The following CIB1 variants were observed in gnomAD, a reference collection of about 807,000 sequenced individuals.
The protein encoded by CIB1 is calcium and integrin binding 1, also known as calcium and integrin-binding protein 1.
Under a neutral mutation model 25.0 loss-of-function variants are expected in CIB1, and 19 were observed. That is an observed-to-expected ratio of 0.76 (90% confidence interval 0.53 to 1.12). CIB1 has a LOEUF of 1.12. CIB1 is among the 50% of genes most tolerant of loss of function. CIB1 has a pLI of 0.00. For synonymous variants in CIB1, 104 were observed against 98.5 expected, an observed-to-expected ratio of 1.06 and a Z score of -0.33; for missense variants, 236 against 242.6, an observed-to-expected ratio of 0.97 and a Z score of 0.18.
At chr15:90,244,848 C>CATAA in the CIB1 span, 1 of 152,054 alleles carries the variant, frequency 6.6e-6, no homozygotes, top group South Asian at 2.1e-4. Context: ...AGTCTTGGGT[C>CATAA]CAGCTCTCAA....
chr15:90,242,326 T>C, the CIB1 span: 1 of 282,806 alleles, frequency 3.5e-6, no homozygotes, highest in East Asian at 6.6e-5. Flanking sequence ...CGTTTCACCA[T>C]GTTGCCCAGG....
the CIB1 span, chr15:90,255,857 T>A: frequency 6.2e-7 from 1 of 1,614,064 alleles, no homozygotes; most frequent in African/African-American, 1.3e-5. Flanking sequence ...GTACAACATC[T>A]TCCCCCGCAC....
At chr15:90,264,097 G>A in the CIB1 span, 30 of 1,312,558 alleles carry the variant, frequency 2.3e-5, no homozygotes, top group Non-Finnish European at 3.0e-5. Context: ...TTTGACATAT[G>A]TAAATCCCAC....
the CIB1 span, chr15:90,255,951 G>T: frequency 6.2e-7 from 1 of 1,609,114 alleles, no homozygotes; most frequent in Non-Finnish European, 8.5e-7. Context: ...TCAGAGCTCT[G>T]GTCTTGTGAC....
chr15:90,262,937 C>T, the CIB1 span: 235 of 1,528,778 alleles, frequency 1.5e-4, no homozygotes, highest in East Asian at 5.6e-3. Context: ...CCTTGGAGAT[C>T]CTGCATTTAT....
At chr15:90,260,990 C>A in the CIB1 span, among the ~76,000 whole-genome samples, 1 of 152,042 alleles carries the variant, frequency 6.6e-6, no homozygotes, top group Non-Finnish European at 1.5e-5. Flanking sequence ...AATCAACATG[C>A]TAATTGCATA....
At chr15:90,241,458 G>T in the CIB1 span, 1 of 1,613,526 alleles carries the variant, frequency 6.2e-7, no homozygotes. Context: ...CCTGCTGCCG[G>T]GTGCACTGAG....
chr15:90,252,098 G>C, the CIB1 span, among the ~76,000 whole-genome samples: 1 of 144,698 alleles, frequency 6.9e-6, no homozygotes, highest in African/African-American at 2.5e-5. Context: ...GGAATGCAAT[G>C]GCGTGATCTC....
At chr15:90,251,494 C>T in the CIB1 span, 15 of 1,493,916 alleles carry the variant, frequency 1.0e-5, no homozygotes, top group Admixed American at 2.0e-4. Context: ...GATGTCTTTT[C>T]ATCTGAGTAC....
the CIB1 span, chr15:90,257,148 T>C: frequency 9.3e-6 from 15 of 1,613,320 alleles, no homozygotes; most frequent in East Asian, 6.7e-5. Context: ...CCCCTCCTCA[T>C]TGATGGCTTC....
In CIB1 at chr15:90,230,145, G is replaced by A. The variant is rs928633706; in HGVS notation, c.*339C>T. On this transcript the variant is annotated 3_prime_UTR_variant, in exon 7 of 7. Coordinates refer to ENST00000328649, the MANE Select transcript of CIB1 (RefSeq NM_006384.4). Reference sequence around the variant, plus strand: ...CAGCGTGGGTGCGGCTTGACTTCCCGCTGGCCTCTGCTCGATATGCTGCTT... The same window carrying A: ...CAGCGTGGGTGCGGCTTGACTTCCCACTGGCCTCTGCTCGATATGCTGCTT... The A allele has an allele frequency of 1.2e-5, 4 of 336,900 alleles. No individual in the cohort carries two copies. Among genetic ancestry groups the A allele is most frequent in the Non-Finnish European group, 1.7e-5 (3 of 180,152 alleles). 20.9% of individuals were successfully genotyped at this position (336,900 alleles called of 1,614,324 possible).
the CIB1 span, chr15:90,243,880 TC>T: frequency 6.7e-6 from 1 of 149,462 alleles, no homozygotes; most frequent in Non-Finnish European, 1.5e-5. Flanking sequence ...GGCCTCAAGA[TC>T]CTCCCACCTC....
At chr15:90,234,315 CT>C, upstream of CIB1, 1 of 164,068 alleles carries the variant, frequency 6.1e-6, no homozygotes, top group East Asian at 1.7e-4. Flanking sequence ...GGCGGCAGCC[CT>C]GGGTGGGGTC....
chr15:90,241,197 C>G, the CIB1 span: 2 of 1,614,180 alleles, frequency 1.2e-6, no homozygotes, highest in East Asian at 4.5e-5. Context: ...TTTCGTGGCT[C>G]AGCTGAATGT....
the CIB1 span, among the ~76,000 whole-genome samples, chr15:90,256,712 G>A: frequency 6.7e-6 from 1 of 148,792 alleles, no homozygotes; most frequent in Non-Finnish European, 1.5e-5. Flanking sequence ...TTCTTTCGAT[G>A]GAGTCTCTCT....
At chr15:90,250,261 C>T in the CIB1 span, among the ~76,000 whole-genome samples, 5 of 152,208 alleles carry the variant, frequency 3.3e-5, no homozygotes, top group South Asian at 8.3e-4. Context: ...GCGAAGGTCC[C>T]CCCAGCACTC....
the CIB1 span, among the ~76,000 whole-genome samples, chr15:90,256,569 CTT>C: frequency 1.1e-3 from 35 of 33,306 alleles, 1 homozygote; most frequent in African/African-American, 4.1e-3. Flanking sequence ...TTCTTTCTTT[CTT>C]TCTTTCTTTC....
At chr15:90,261,017 C>T in the CIB1 span, among the ~76,000 whole-genome samples, 4 of 151,788 alleles carry the variant, frequency 2.6e-5, no homozygotes, top group Non-Finnish European at 5.9e-5. Context: ...TTATGGAAGG[C>T]TTTATCTTCT....
At chr15:90,230,543 A>G in intron 6 of CIB1, 38 bp from the exon 7 acceptor site, 1 of 1,551,156 alleles carries the variant, frequency 6.4e-7, no homozygotes, top group Non-Finnish European at 8.7e-7. Flanking sequence ...CTGCTGGAAG[A>G]GGAGGGCAGG....
Sources: gnomAD v4.1 joint callset for allele counts (sites outside exome capture counted in the v4.1 genomes callset) on GRCh38, gnomAD v4.1.1 for gene constraint, MANE v1.5 for transcripts, NCBI Gene and HGNC (gene_info 2026-07-23, HGNC 2026-07-21) for gene names.